The following ACAP2 variants were observed in gnomAD, a reference collection of about 807,000 sequenced individuals.
ACAP2 encodes the protein arf-GAP with coiled-coil, ANK repeat and PH domain-containing protein 2.
In ACAP2, 39 loss-of-function variants were observed where a neutral mutation model predicts 115.8. The ratio of observed to expected loss-of-function variants is 0.34; its 90% CI spans 0.26 to 0.44. The LOEUF (loss-of-function observed/expected upper bound fraction) is 0.44, where lower values mean the gene tolerates loss of function less well. Among genes scored for constraint, ACAP2 ranks in the 20% least tolerant of loss-of-function variants. ACAP2 has a pLI of 1.00. For synonymous variants in ACAP2, 289 were observed against 315.8 expected, an observed-to-expected ratio of 0.92 and a Z score of 0.90; for missense variants, 662 against 927.6, an observed-to-expected ratio of 0.71 and a Z score of 3.72.
intron 4 of ACAP2, among the ~76,000 whole-genome samples, chr3:195,354,918 C>T (rs1347631541): frequency 6.6e-6 from 1 of 152,198 alleles, no homozygotes; most frequent in Non-Finnish European, 1.5e-5. Flanking sequence ...GGCTGGAGTG[C>T]AATGGCATGA....
chr3:195,326,792 A>C (rs886104792), intron 9 of ACAP2, 93 bp downstream of exon 9: 20 of 1,084,208 alleles, frequency 1.8e-5, no homozygotes, highest in Admixed American at 4.3e-5. Context: ...AACAACTCAA[A>C]AGATTTGTTC....
intron 1 of ACAP2, among the ~76,000 whole-genome samples, chr3:195,420,077 G>T (rs1714051628): frequency 6.6e-6 from 1 of 151,972 alleles, no homozygotes; most frequent in Admixed American, 6.6e-5. Flanking sequence ...TTGCAATGTC[G>T]AGTCTTCATG....
intron 10 of ACAP2, among the ~76,000 whole-genome samples, chr3:195,315,167 C>T (rs1729008697): frequency 1.3e-5 from 2 of 152,202 alleles, no homozygotes; most frequent in South Asian, 4.1e-4. Flanking sequence ...AGGCACCACA[C>T]CACCACACCT....
At chr3:195,337,712 G>T (rs1452698945) in intron 6 of ACAP2, among the ~76,000 whole-genome samples, 2 of 152,152 alleles carry the variant, frequency 1.3e-5, no homozygotes, top group Non-Finnish European at 2.9e-5. Flanking sequence ...CTCCCAAAGT[G>T]CTGGAACTAC....
intron 1 of ACAP2, among the ~76,000 whole-genome samples, chr3:195,404,973 C>T (rs1433439501): frequency 1.3e-5 from 2 of 151,414 alleles, no homozygotes; most frequent in South Asian, 4.2e-4. Context: ...ACTTTTTTTT[C>T]TACTTTTAGT....
In ACAP2 at chr3:195,416,281, G is replaced by C. The variant is rs1713719457; in HGVS notation, c.54-24134C>G. Among the ~76,000 whole-genome samples the C allele has an allele frequency of 2.6e-5, 4 of 152,120 alleles. No individual in the cohort carries two copies. In the South Asian group the frequency reaches 8.3e-4, roughly 32 times the overall value. On this transcript the variant is annotated intron_variant, in intron 1 of 22. Transcript: ENST00000326793. The stretch of plus-strand genomic sequence containing the variant: ...GAATCGCTTGAACCCAGGAGGCGGA[G>C]GCTGCAGTGAGCCAAGACTGCGCTA...
chr3:195,283,604 G>A (rs1426560704), intron 22 of ACAP2, among the ~76,000 whole-genome samples: 1 of 152,106 alleles, frequency 6.6e-6, no homozygotes, highest in Admixed American at 6.6e-5. Context: ...ACAAACAGCC[G>A]CTGCCTGAGC....
At chr3:195,360,738 G>A (rs2108693538) in intron 4 of ACAP2, among the ~76,000 whole-genome samples, 1 of 152,052 alleles carries the variant, frequency 6.6e-6, no homozygotes, top group African/African-American at 2.4e-5. Flanking sequence ...AGGTTGCAGT[G>A]AGTTGGGATC....
intron 4 of ACAP2, among the ~76,000 whole-genome samples, chr3:195,377,475 T>C (rs1326766120): frequency 3.3e-5 from 5 of 152,048 alleles, no homozygotes; most frequent in African/African-American, 1.2e-4. Context: ...GTCAGAGAAA[T>C]TAAATGACTT....
rs1730274974 is a variant in ACAP2 at position 195,333,013 on chromosome 3, A to G, written c.669+15T>C. The G allele has an allele frequency of 1.3e-6, 2 of 1,553,668 alleles. No individual in the cohort carries two copies. The highest frequency in any genetic ancestry group is 2.3e-5 in the East Asian group (1 of 43,230). On this transcript the variant is annotated intron_variant, in intron 8 of 22. Coordinates refer to ENST00000326793, the MANE Select transcript of ACAP2 (RefSeq NM_012287.6). Reference sequence around the variant, plus strand: ...AATGTATAAAACAGAATCAAGAAATATACTGCAACATTACCTGTGCACCAA... The same window carrying G: ...AATGTATAAAACAGAATCAAGAAATGTACTGCAACATTACCTGTGCACCAA...
At position 195,318,617 on chromosome 3, in the gene ACAP2, A is replaced by G. The variant is rs150406311; in HGVS notation, c.857+2084T>C. On this transcript the variant is annotated intron_variant, in intron 10 of 22. Transcript: ENST00000326793. ...TTAAACTTCAGAGAGAGGATTTAGG[A>G]TATCTGGCAGAAGAAATTTCTAAGC... Among the ~76,000 whole-genome samples the G allele has an allele frequency of 5.2e-3, 787 of 152,322 alleles. 5 individuals are homozygous for G. Among genetic ancestry groups the G allele is most frequent in the African/African-American group, 0.018 (750 of 41,556 alleles).
At chr3:195,319,011 G>T (rs1199226728) in intron 10 of ACAP2, among the ~76,000 whole-genome samples, 3 of 152,220 alleles carry the variant, frequency 2.0e-5, no homozygotes, top group Admixed American at 2.0e-4. Context: ...GCAGCCTTGG[G>T]ACTTGGTGCC....
At chr3:195,421,912 C>T (rs904450879) in intron 1 of ACAP2, among the ~76,000 whole-genome samples, 1 of 152,088 alleles carries the variant, frequency 6.6e-6, no homozygotes, top group African/African-American at 2.4e-5. Context: ...CTTTTCCTAA[C>T]CAAATATTTA....
chr3:195,299,256 C>T (rs1261443001), intron 15 of ACAP2, among the ~76,000 whole-genome samples: 3 of 151,986 alleles, frequency 2.0e-5, no homozygotes, highest in African/African-American at 7.2e-5. Flanking sequence ...ATTACTGATG[C>T]TAAGAAAGGT....
At position 195,442,884 on chromosome 3, in the gene ACAP2, A is replaced by AG. The variant is rs1383865155; in HGVS notation, c.-38dup. ...CTCGCAGGCGGCGCTGGCAAAGCCG[A>AG]GGGGGCCGCGGGAGCGGCCGCGCTG... is the stretch of plus-strand genomic sequence containing the variant. On this transcript the variant is annotated 5_prime_UTR_variant, in exon 1 of 23. Coordinates refer to ENST00000326793, the MANE Select transcript of ACAP2 (RefSeq NM_012287.6). 1.3e-6 allele frequency: 2 copies of AG among 1,501,644 alleles called. No individual in the cohort carries two copies. Among genetic ancestry groups the AG allele is most frequent in the African/African-American group, 2.9e-5 (2 of 68,226 alleles). 93.0% of individuals were successfully genotyped at this position (1,501,644 alleles called of 1,614,324 possible).
intron 10 of ACAP2, among the ~76,000 whole-genome samples, chr3:195,319,747 T>A (rs1320263446): frequency 6.6e-6 from 1 of 152,224 alleles, no homozygotes; most frequent in Non-Finnish European, 1.5e-5. Flanking sequence ...CAGAAGGGAC[T>A]TGCCTTGTCT....
intron 1 of ACAP2, among the ~76,000 whole-genome samples, chr3:195,425,121 C>A (rs1159660933): frequency 2.7e-5 from 4 of 147,522 alleles, no homozygotes; most frequent in Non-Finnish European, 6.0e-5. Context: ...AAAGTATCAT[C>A]TGAATAGTTA....
chr3:195,401,206 C>T (rs1430423180), intron 1 of ACAP2, among the ~76,000 whole-genome samples: 7 of 152,178 alleles, frequency 4.6e-5, no homozygotes, highest in East Asian at 1.9e-4. Flanking sequence ...GTTCTCTCCA[C>T]GACATACCAC....
chr3:195,382,125 A>C (rs900744274), intron 2 of ACAP2, 103 bp from the exon 3 acceptor site: 1 of 1,052,888 alleles, frequency 9.5e-7, no homozygotes, highest in African/African-American at 1.6e-5. Context: ...AGTTAAGTTC[A>C]ATTTGTTTCA....
Sources: allele counts gnomAD v4.1 joint callset (sites outside exome capture counted in the v4.1 genomes callset), GRCh38; gene constraint gnomAD v4.1.1; transcripts MANE v1.5; gene names NCBI Gene and HGNC (gene_info 2026-07-23, HGNC 2026-07-21).